Variants in USP10 observed in about 807,000 individuals in gnomAD.
USP10 encodes ubiquitin specific peptidase 10, also known as ubiquitin carboxyl-terminal hydrolase 10.
In USP10, 22 loss-of-function variants were observed where a neutral mutation model predicts 84.5. The observed-to-expected ratio is 0.26, with a 90% CI of 0.19 to 0.37. The LOEUF (loss-of-function observed/expected upper bound fraction) is 0.37, where lower values mean the gene tolerates loss of function less well. USP10 is among the 10% of genes least tolerant of loss of function. The probability of loss-of-function intolerance (pLI) is 1.00; values close to 1 mark genes in which losing one functional copy is unlikely to be tolerated. For synonymous variants in USP10, 454 were observed against 387.6 expected (o/e 1.17, Z -2.01); for missense variants, 1,019 against 998.9 (o/e 1.02, Z -0.27).
chr16:84,706,173 G>A (rs902382519), intron 1 of USP10, among the ~76,000 whole-genome samples: 4 of 152,170 alleles, frequency 2.6e-5, no homozygotes, highest in East Asian at 1.9e-4. Flanking sequence ...GTGAGCCACC[G>A]CGCCTAGCCT....
intron 1 of USP10, among the ~76,000 whole-genome samples, chr16:84,730,037 A>G (rs1567607609): frequency 6.6e-6 from 1 of 152,114 alleles, no homozygotes; most frequent in Non-Finnish European, 1.5e-5. Flanking sequence ...TTTACTTTTT[A>G]TGATTAATGT....
rs1219854797 is a variant in USP10, at chr16:84,757,099, C to T, written c.1193-1617C>T. ...GGTTATGATAATTATGAATAATATA[C>T]ACAAAGCTTCTAGCACAGTGTCCCT... is the stretch of plus-strand genomic sequence containing the variant. On this transcript the variant is annotated intron_variant, in intron 4 of 13. Coordinates refer to ENST00000219473, the MANE Select transcript of USP10 (RefSeq NM_005153.3). Among the ~76,000 whole-genome samples the T allele has an allele frequency of 2.6e-5, 4 of 152,088 alleles. No homozygotes were observed. In the East Asian group the frequency reaches 7.7e-4, roughly 29 times the overall value.
chr16:84,729,638 G>A lies in USP10; in HGVS notation c.22-3797G>A, dbSNP rs553235505. Reference sequence around the variant, plus strand: ...ACCCTTGGCACTGACTTCTTAGCCCGTTCCTTTATTTCAGTTATAAAATCG... The same window carrying A: ...ACCCTTGGCACTGACTTCTTAGCCCATTCCTTTATTTCAGTTATAAAATCG... On this transcript the variant is annotated intron_variant, in intron 1 of 13. Coordinates refer to ENST00000219473, the MANE Select transcript of USP10 (RefSeq NM_005153.3). 9.2e-5 allele frequency among the ~76,000 whole-genome samples: 14 copies of A among 152,326 alleles called. No individual in the cohort carries two copies. The East Asian group carries it at 1.7e-3, about 19-fold the overall frequency.
At chr16:84,744,296 C>G (rs1910959641) in intron 3 of USP10, among the ~76,000 whole-genome samples, 1 of 152,166 alleles carries the variant, frequency 6.6e-6, no homozygotes, top group East Asian at 1.9e-4. Flanking sequence ...AGGCATAAGG[C>G]AGCTATAAGA....
At chr16:84,766,212 G>A (rs187426230) in intron 10 of USP10, among the ~76,000 whole-genome samples, 4 of 152,348 alleles carry the variant, frequency 2.6e-5, no homozygotes, top group Admixed American at 1.3e-4. Flanking sequence ...CTGGTTTCCC[G>A]TCCTCTGTGG....
At chr16:84,737,683 A>ACTGGCAGTGTCACCTG (rs1910108561) in intron 2 of USP10, among the ~76,000 whole-genome samples, 1 of 152,172 alleles carries the variant, frequency 6.6e-6, no homozygotes, top group Non-Finnish European at 1.5e-5. Flanking sequence ...TGTGCCTCTT[A>ACTGGCAGTGTCACCTG]CTGGCAGTGT....
At chr16:84,771,432 C>T (rs755989636) in intron 11 of USP10, among the ~76,000 whole-genome samples, 5 of 151,680 alleles carry the variant, frequency 3.3e-5, no homozygotes, top group Non-Finnish European at 5.9e-5. Flanking sequence ...GAAGTCAAGG[C>T]TGCAGTGAGT....
chr16:84,770,831 G>A (rs960901601), intron 11 of USP10, among the ~76,000 whole-genome samples: 3 of 151,210 alleles, frequency 2.0e-5, no homozygotes, highest in Admixed American at 6.6e-5. Flanking sequence ...ATTTTCGGAG[G>A]CTGAGGCAGG....
At position 84,744,792 on chromosome 16, in the gene USP10, T is replaced by A. The variant is rs1275911023; in HGVS notation, c.311T>A (p.Ile104Asn). The A allele has an allele frequency of 6.2e-6, 10 of 1,613,714 alleles. No homozygotes were observed. Among genetic ancestry groups the A allele is most frequent in the Non-Finnish European group, 8.5e-6 (10 of 1,179,706 alleles). ...GCTTCCAAAATAACCCCTGATGGTA[T>A]CACTAAAGAAGCAAGCTATGGCTCC... The part of the protein sequence containing the change: ...CTASKITPDG[I>N]TKEASYGSID... Residue 104 changes from isoleucine to asparagine, a missense_variant, in exon 4 of 14, where the codon ATC (isoleucine) becomes AAC (asparagine). This residue lies in a region of USP10 where 787 missense variants were observed against 708.8 expected (regional missense o/e 1.11). Transcript: ENST00000219473.
intron 11 of USP10, among the ~76,000 whole-genome samples, 189 bp from the exon 12 acceptor site, chr16:84,772,352 A>G (rs1045539314): frequency 2.0e-5 from 3 of 152,156 alleles, no homozygotes; most frequent in African/African-American, 7.2e-5. Context: ...GCATCTGGGT[A>G]TGTGCATTTT....
At chr16:84,759,581 A>C in intron 6 of USP10, 109 bp downstream of exon 6, 1 of 1,043,202 alleles carries the variant, frequency 9.6e-7, no homozygotes, top group Non-Finnish European at 1.4e-6. Flanking sequence ...GAGTCCTATA[A>C]TTCTGTCTTT....
At chr16:84,720,061 C>T (rs1039458722) in intron 1 of USP10, among the ~76,000 whole-genome samples, 4 of 152,152 alleles carry the variant, frequency 2.6e-5, no homozygotes, top group African/African-American at 7.2e-5. Flanking sequence ...ATCTTAACAC[C>T]GGAAGGAGAG....
chr16:84,740,220 G>A (rs1051832515), intron 2 of USP10, 89 bp from the exon 3 acceptor site: 16 of 1,221,198 alleles, frequency 1.3e-5, no homozygotes, highest in Non-Finnish European at 1.8e-5. Context: ...TGGATTAAGA[G>A]TTTTAATGAA....
intron 3 of USP10, among the ~76,000 whole-genome samples, chr16:84,742,911 T>C (rs1017405938): frequency 6.6e-6 from 1 of 152,236 alleles, no homozygotes; most frequent in African/African-American, 2.4e-5. Flanking sequence ...AATTGAGATG[T>C]GTACAGCACA....
intron 12 of USP10, among the ~76,000 whole-genome samples, chr16:84,773,786 G>A (rs535976672): frequency 6.6e-6 from 1 of 152,242 alleles, no homozygotes; most frequent in South Asian, 2.1e-4. Flanking sequence ...CTGGAATGCC[G>A]GCTAAGTCAA....
chr16:84,703,938 T>C (rs1000146446), intron 1 of USP10, among the ~76,000 whole-genome samples: 6 of 152,250 alleles, frequency 3.9e-5, no homozygotes, highest in Non-Finnish European at 8.8e-5. Flanking sequence ...AGTTAGGACA[T>C]GTATTCCAGT....
At chr16:84,703,916 C>T (rs890220833) in intron 1 of USP10, among the ~76,000 whole-genome samples, 2 of 152,208 alleles carry the variant, frequency 1.3e-5, no homozygotes, top group Non-Finnish European at 2.9e-5. Context: ...CTAAATTCCT[C>T]ACTAAAGCAA....
intron 8 of USP10, among the ~76,000 whole-genome samples, chr16:84,762,407 G>T (rs1437677000): frequency 6.6e-6 from 1 of 152,160 alleles, no homozygotes; most frequent in Non-Finnish European, 1.5e-5. Context: ...TAAAGGTAAT[G>T]TGGCCAGGTG....
At chr16:84,763,238 G>T (rs1458599264) in intron 9 of USP10, 150 bp downstream of exon 9, 1 of 473,274 alleles carries the variant, frequency 2.1e-6, no homozygotes, top group Non-Finnish European at 3.8e-6. Flanking sequence ...CATCGAGAAG[G>T]TTATATTTAG....
Sources: gnomAD v4.1 joint callset for allele counts (sites outside exome capture counted in the v4.1 genomes callset) on GRCh38, gnomAD v4.1.1 for gene constraint, gnomAD v4.1.1 regional missense constraint, MANE v1.5 for transcripts, NCBI Gene and HGNC (gene_info 2026-07-23, HGNC 2026-07-21) for gene names.